The following GPR149 variants were observed in gnomAD, a reference collection of about 807,000 sequenced individuals.
GPR149 encodes G protein-coupled receptor 149.
Under a neutral mutation model 50.2 loss-of-function variants are expected in GPR149, and 50 were observed. The ratio of observed to expected loss-of-function variants is 1.00; its 90% CI spans 0.79 to 1.26. The LOEUF (loss-of-function observed/expected upper bound fraction) is 1.26. Among genes scored for constraint, GPR149 ranks in the 50% most tolerant of loss-of-function variants. The pLI is 0.00. For missense variants in GPR149, 983 were observed against 895.4 expected, an observed-to-expected ratio of 1.10 and a Z score of -1.25; for synonymous variants, 405 against 358.2, an observed-to-expected ratio of 1.13 and a Z score of -1.48.
chr3:154,390,156 A>G (rs939335044), intron 3 of GPR149, among the ~76,000 whole-genome samples: 2 of 152,164 alleles, frequency 1.3e-5, no homozygotes, highest in African/African-American at 2.4e-5. Flanking sequence ...CAATCCATGA[A>G]GACTGGGAGT....
intron 3 of GPR149, chr3:154,353,803 A>G (rs1400518781): frequency 1.4e-6 from 1 of 691,746 alleles, no homozygotes; most frequent in East Asian, 2.7e-5. Flanking sequence ...TGCTCGAGCT[A>G]TTAAATCTTT....
rs1358506740 is a variant in GPR149, at chr3:154,335,597, T to C, written c.*2102A>G. 2 of 152,152 alleles carry C rather than the reference T, an allele frequency of 1.3e-5. No homozygotes were observed. Among genetic ancestry groups the C allele is most frequent in the African/African-American group, 4.8e-5 (2 of 41,442 alleles). The allele number at this position is 152,152 out of a possible 1,614,324, so 9.4% of individuals were successfully genotyped here. ...CAGTTAATTCAACAACCAAGGGCAA[T>C]TAAATGGGAATATCCTAATTATTTT... On this transcript the variant is annotated 3_prime_UTR_variant, in exon 4 of 4. Coordinates refer to ENST00000389740, the MANE Select transcript of GPR149 (RefSeq NM_001038705.3).
intron 3 of GPR149, among the ~76,000 whole-genome samples, chr3:154,410,676 C>G (rs1193448655): frequency 6.6e-6 from 1 of 152,092 alleles, no homozygotes; most frequent in Non-Finnish European, 1.5e-5. Context: ...AACACTGGAG[C>G]TCCCAAATTT....
At chr3:154,406,683 C>T (rs1299502742) in intron 3 of GPR149, among the ~76,000 whole-genome samples, 1 of 152,092 alleles carries the variant, frequency 6.6e-6, no homozygotes, top group Non-Finnish European at 1.5e-5. Flanking sequence ...AGAAGACAAA[C>T]ATGTATCTAC....
intron 3 of GPR149, among the ~76,000 whole-genome samples, chr3:154,392,518 G>A (rs897294923): frequency 2.6e-5 from 4 of 151,674 alleles, no homozygotes; most frequent in South Asian, 2.1e-4. Flanking sequence ...CTAACTTTAC[G>A]TCTCAAGAAG....
At chr3:154,367,696 C>T (rs370156156) in intron 3 of GPR149, among the ~76,000 whole-genome samples, 11 of 152,292 alleles carry the variant, frequency 7.2e-5, no homozygotes, top group African/African-American at 2.6e-4. Context: ...CTCAATAAAA[C>T]TTACAGCTTT....
At chr3:154,427,448 A>T in intron 2 of GPR149, 68 bp downstream of exon 2, 3 of 1,434,106 alleles carry the variant, frequency 2.1e-6, no homozygotes, top group Non-Finnish European at 9.5e-7. Flanking sequence ...CAACTTTGTT[A>T]ATAGACCACT....
intron 3 of GPR149, among the ~76,000 whole-genome samples, chr3:154,416,112 G>A (rs552365597): frequency 2.0e-4 from 31 of 151,928 alleles, no homozygotes; most frequent in Admixed American, 4.6e-4. Flanking sequence ...TTTTTAAAGT[G>A]AAAAGAAAAG....
At chr3:154,339,789 T>C (rs1713746109) in intron 3 of GPR149, among the ~76,000 whole-genome samples, 1 of 130,292 alleles carries the variant, frequency 7.7e-6, no homozygotes, top group African/African-American at 2.9e-5. Flanking sequence ...CTTTTTTTTT[T>C]TTTTTTTTTT....
chr3:154,344,189 C>T (rs1009365545), intron 3 of GPR149, among the ~76,000 whole-genome samples: 32 of 152,110 alleles, frequency 2.1e-4, no homozygotes, highest in African/African-American at 7.5e-4. Flanking sequence ...CTGTTATAAA[C>T]ATTTGAGTCC....
chr3:154,352,914 T>G, intron 3 of GPR149: 1 of 878,272 alleles, frequency 1.1e-6, no homozygotes, highest in Non-Finnish European at 2.0e-6. Flanking sequence ...TCCAGAGCGA[T>G]GGATACGGGC....
chr3:154,372,051 C>T (rs1375111230), intron 3 of GPR149, among the ~76,000 whole-genome samples: 2 of 151,820 alleles, frequency 1.3e-5, no homozygotes, highest in Admixed American at 1.3e-4. Flanking sequence ...AACTGCAGGG[C>T]CCCTTCTTCG....
chr3:154,400,621 A>T (rs1711531951), intron 3 of GPR149, among the ~76,000 whole-genome samples: 1 of 152,138 alleles, frequency 6.6e-6, no homozygotes, highest in Non-Finnish European at 1.5e-5. Flanking sequence ...CCCTGATACC[A>T]CTGTACTATG....
chr3:154,409,488 G>A (rs1287227473), intron 3 of GPR149, among the ~76,000 whole-genome samples: 2 of 151,932 alleles, frequency 1.3e-5, no homozygotes, highest in Non-Finnish European at 2.9e-5. Context: ...CATGATACAG[G>A]ATACGAAAGG....
intron 3 of GPR149, among the ~76,000 whole-genome samples, chr3:154,381,086 T>C (rs1158840842): frequency 1.3e-5 from 2 of 152,214 alleles, no homozygotes; most frequent in African/African-American, 4.8e-5. Flanking sequence ...TAACGTGTAG[T>C]CAGTTTTAGA....
chr3:154,397,867 T>C (rs1715329857), intron 3 of GPR149, among the ~76,000 whole-genome samples: 1 of 152,190 alleles, frequency 6.6e-6, no homozygotes, highest in South Asian at 2.1e-4. Flanking sequence ...CTCATTAGTA[T>C]ATATAAATGT....
rs565318277 is a variant in GPR149, at chr3:154,430,095, T to C, written c.-480A>G. 6.6e-6 allele frequency among the ~76,000 whole-genome samples: 1 copy of C among 151,554 alleles called. No homozygotes were observed. Among genetic ancestry groups the C allele is most frequent in the Non-Finnish European group, 1.5e-5 (1 of 67,918 alleles). On this transcript the variant is annotated 5_prime_UTR_variant, in exon 1 of 4. Transcript: ENST00000389740. ...AGAGCTGGATTCAAAGGCAGGAGAT[T>C]GTCAGGTAGGTTTCAGCTTTGAAGG... is the stretch of plus-strand genomic sequence containing the variant.
At chr3:154,377,772 G>A (rs913900183) in intron 3 of GPR149, among the ~76,000 whole-genome samples, 9 of 152,068 alleles carry the variant, frequency 5.9e-5, no homozygotes, top group Non-Finnish European at 1.2e-4. Flanking sequence ...TAAATTTATA[G>A]AGTTGTGAAA....
chr3:154,379,298 G>GT (rs34002737), intron 3 of GPR149, among the ~76,000 whole-genome samples: 8 of 50,752 alleles, frequency 1.6e-4, no homozygotes, highest in Non-Finnish European at 2.8e-4. Context: ...ACTTGCAAAG[G>GT]TTTTTTTTTT....
Sources: allele counts gnomAD v4.1 joint callset (sites outside exome capture counted in the v4.1 genomes callset), GRCh38; gene constraint gnomAD v4.1.1; transcripts MANE v1.5; gene names NCBI Gene and HGNC (gene_info 2026-07-23, HGNC 2026-07-21).